Variants in CDK14 observed in about 807,000 individuals in gnomAD.
CDK14 encodes the protein cyclin-dependent kinase 14.
Under a neutral mutation model 60.7 loss-of-function variants are expected in CDK14, and 34 were observed. The observed-to-expected ratio is 0.56, with a 90% CI of 0.43 to 0.75. The LOEUF (loss-of-function observed/expected upper bound fraction) is 0.75. Among genes scored for constraint, CDK14 ranks in the 30% least tolerant of loss-of-function variants. CDK14 has a pLI of 0.00. For missense variants in CDK14, 482 were observed against 564.1 expected (o/e 0.85, Z 1.47); for synonymous variants, 197 against 203.7 (o/e 0.97, Z 0.28).
At chr7:90,983,808 G>A (rs939939500) in intron 9 of CDK14, among the ~76,000 whole-genome samples, 2 of 152,148 alleles carry the variant, frequency 1.3e-5, no homozygotes, top group Non-Finnish European at 1.5e-5. Flanking sequence ...ATAAGTGGGA[G>A]CTAAACATCA....
intron 4 of CDK14, among the ~76,000 whole-genome samples, chr7:90,752,090 C>T (rs771641939): frequency 2.0e-5 from 3 of 152,126 alleles, no homozygotes; most frequent in African/African-American, 7.2e-5. Flanking sequence ...GCTTCCACAA[C>T]GCACTGACAG....
At chr7:91,118,253 T>TA in intron 14 of CDK14, 45 bp downstream of exon 14, 1 of 880,242 alleles carries the variant, frequency 1.1e-6, no homozygotes, top group Non-Finnish European at 1.8e-6. Flanking sequence ...TAATGGATAT[T>TA]GAACGGATTC....
chr7:90,699,054 AGC>A (rs1175150748), intron 2 of CDK14, among the ~76,000 whole-genome samples: 2 of 152,256 alleles, frequency 1.3e-5, no homozygotes, highest in African/African-American at 2.4e-5. Context: ...CCTGTAGGGT[AGC>A]TCCCTATGGC....
chr7:90,816,548 GAT>G (rs1789366885), intron 5 of CDK14, among the ~76,000 whole-genome samples: 1 of 152,192 alleles, frequency 6.6e-6, no homozygotes, highest in South Asian at 2.1e-4. Flanking sequence ...CATTTGGGAT[GAT>G]TGGTCAGGAG....
At chr7:90,695,622 A>C (rs1801640296) in intron 2 of CDK14, among the ~76,000 whole-genome samples, 1 of 152,176 alleles carries the variant, frequency 6.6e-6, no homozygotes. Flanking sequence ...AAAAGCAAGG[A>C]AAGGGGAAAA....
intron 2 of CDK14, among the ~76,000 whole-genome samples, chr7:90,723,223 CTG>C (rs978590337): frequency 5.9e-5 from 9 of 152,252 alleles, no homozygotes; most frequent in Admixed American, 5.9e-4. Flanking sequence ...TTTTAAAAAA[CTG>C]TGTATTAATT....
intron 5 of CDK14, among the ~76,000 whole-genome samples, chr7:90,810,024 T>C (rs1216125655): frequency 6.6e-6 from 1 of 152,162 alleles, no homozygotes; most frequent in Admixed American, 6.6e-5. Flanking sequence ...GATTCATAGC[T>C]GAATTCTACC....
Position 91,207,729 on chromosome 7 carries a change from A to T in CDK14, c.*593A>T, listed in dbSNP as rs944166657. 2 of 152,666 alleles carry T rather than the reference A, an allele frequency of 1.3e-5. No individual in the cohort carries two copies. Among genetic ancestry groups the T allele is most frequent in the African/African-American group, 4.8e-5 (2 of 41,466 alleles). 9.5% of individuals were successfully genotyped at this position (152,666 alleles called of 1,614,324 possible). A position where few individuals can be genotyped will look rare whatever the true frequency, so the allele number is the denominator to read the frequency against. On this transcript the variant is annotated 3_prime_UTR_variant, in exon 15 of 15. Coordinates refer to ENST00000380050, the MANE Select transcript of CDK14 (RefSeq NM_001287135.2). ...CTTACCTTTTGAGGTAATTTTGCAAATGTGGTTTTTTTACTTGGAAATAAC... is the reference window on the plus strand; with the variant it reads ...CTTACCTTTTGAGGTAATTTTGCAATTGTGGTTTTTTTACTTGGAAATAAC...
Position 91,207,550 on chromosome 7 carries a change from G to A in CDK14, c.*414G>A, listed in dbSNP as rs977628519. ...TGTTCACACTTCTTCAGTAATGTCT[G>A]AACTTGAAAGCCACAGAGTGGCATA... is the stretch of plus-strand genomic sequence containing the variant. On this transcript the variant is annotated 3_prime_UTR_variant, in exon 15 of 15. Transcript: ENST00000380050. 1.3e-5 allele frequency: 2 copies of A among 152,614 alleles called. No individual in the cohort carries two copies. Among genetic ancestry groups the A allele is most frequent in the African/African-American group, 4.8e-5 (2 of 41,432 alleles). 9.5% of individuals were successfully genotyped at this position (152,614 alleles called of 1,614,324 possible).
intron 12 of CDK14, among the ~76,000 whole-genome samples, chr7:91,099,419 G>A (rs777991216): frequency 2.7e-4 from 41 of 152,102 alleles, no homozygotes; most frequent in Non-Finnish European, 1.0e-4. Flanking sequence ...TGTTTCAGTT[G>A]AAACAGTGCT....
At chr7:91,189,938 A>G (rs765718214) in intron 14 of CDK14, among the ~76,000 whole-genome samples, 1 of 152,202 alleles carries the variant, frequency 6.6e-6, no homozygotes, top group Non-Finnish European at 1.5e-5. Context: ...TAGGTAAATT[A>G]TGTGTATTCT....
chr7:90,959,404 A>C (rs1214915531), intron 9 of CDK14, among the ~76,000 whole-genome samples: 1 of 152,128 alleles, frequency 6.6e-6, no homozygotes, highest in East Asian at 1.9e-4. Flanking sequence ...GTGTTTTTCC[A>C]GTTAGAAGTT....
intron 4 of CDK14, among the ~76,000 whole-genome samples, chr7:90,784,661 G>A (rs1383477941): frequency 6.6e-6 from 1 of 152,040 alleles, no homozygotes; most frequent in Non-Finnish European, 1.5e-5. Context: ...ATTACTGACA[G>A]TTTACCTTGA....
intron 11 of CDK14, among the ~76,000 whole-genome samples, chr7:91,047,090 C>G (rs570543865): frequency 6.6e-6 from 1 of 152,088 alleles, no homozygotes; most frequent in African/African-American, 2.4e-5. Context: ...GACTGACTTT[C>G]TTTTTTAAGC....
intron 9 of CDK14, among the ~76,000 whole-genome samples, chr7:90,964,959 T>C (rs1339390562): frequency 6.6e-6 from 1 of 152,222 alleles, no homozygotes; most frequent in Non-Finnish European, 1.5e-5. Context: ...CTAATTATAA[T>C]TGTGAAGAAT....
At chr7:90,741,959 T>C (rs1803366132) in intron 3 of CDK14, among the ~76,000 whole-genome samples, 1 of 152,134 alleles carries the variant, frequency 6.6e-6, no homozygotes, top group Non-Finnish European at 1.5e-5. Context: ...AGTAATTTTT[T>C]TGAGGTTGAA....
At chr7:90,952,208 T>A (rs969990488) in intron 8 of CDK14, among the ~76,000 whole-genome samples, 1 of 152,126 alleles carries the variant, frequency 6.6e-6, no homozygotes, top group Non-Finnish European at 1.5e-5. Context: ...CTCCATTGTT[T>A]GGTGCTGAAT....
intron 14 of CDK14, among the ~76,000 whole-genome samples, chr7:91,163,877 G>T (rs1801251495): frequency 2.6e-5 from 4 of 152,130 alleles, no homozygotes; most frequent in Admixed American, 2.6e-4. Context: ...CAAATTAATT[G>T]TTATTATAAC....
chr7:90,636,273 G>A (rs1800146272), intron 2 of CDK14, among the ~76,000 whole-genome samples: 1 of 152,160 alleles, frequency 6.6e-6, no homozygotes, highest in Non-Finnish European at 1.5e-5. Context: ...CTGTGGGTTT[G>A]TCATAGATAG....
Sources: allele counts gnomAD v4.1 joint callset (sites outside exome capture counted in the v4.1 genomes callset), GRCh38; gene constraint gnomAD v4.1.1; transcripts MANE v1.5; gene names NCBI Gene and HGNC (gene_info 2026-07-23, HGNC 2026-07-21).